Variants in PCDH15 observed in about 807,000 individuals in gnomAD.
PCDH15 encodes the protein protocadherin related 15.
Under a neutral mutation model 178.5 loss-of-function variants are expected in PCDH15, and 129 were observed. That is an observed-to-expected ratio of 0.72 (90% CI 0.63 to 0.84). PCDH15 has a LOEUF of 0.84. PCDH15 is among the 40% of genes least tolerant of loss of function. The pLI is 0.00. For synonymous variants in PCDH15, 800 were observed against 732.0 expected, an observed-to-expected ratio of 1.09 and a Z score of -1.50; for missense variants, 2,230 against 2,099.9, an observed-to-expected ratio of 1.06 and a Z score of -1.21.
chr10:55,177,139 G>T (rs1839512970), intron 1 of PCDH15, among the ~76,000 whole-genome samples: 1 of 152,088 alleles, frequency 6.6e-6, no homozygotes, highest in Non-Finnish European at 1.5e-5. Flanking sequence ...AGGGCATTAG[G>T]CAAAGAAAAG....
intron 36 of PCDH15, 26 bp from the exon 37 acceptor site, chr10:53,810,690 A>T (rs762923128): frequency 6.3e-7 from 1 of 1,577,854 alleles, no homozygotes; most frequent in Admixed American, 1.7e-5. Flanking sequence ...ACATCTTTAA[A>T]CAGTTTGTCA....
At chr10:54,176,905 C>A (rs758939055) in intron 13 of PCDH15, among the ~76,000 whole-genome samples, 1 of 151,856 alleles carries the variant, frequency 6.6e-6, no homozygotes, top group Non-Finnish European at 1.5e-5. Flanking sequence ...TATGATCCAG[C>A]AATCCCACTC....
chr10:55,404,580 G>A (rs1588993719), intron 2 of PCDH15, among the ~76,000 whole-genome samples: 3 of 151,710 alleles, frequency 2.0e-5, no homozygotes, highest in Admixed American at 6.6e-5. Flanking sequence ...GTTAGAACTC[G>A]AGCCCAAAAA....
At chr10:54,492,450 T>C (rs2079689154) in intron 3 of PCDH15, among the ~76,000 whole-genome samples, 1 of 152,178 alleles carries the variant, frequency 6.6e-6, no homozygotes. Flanking sequence ...TCTTTGGCTG[T>C]CCGTAATTTA....
chr10:54,863,831 G>A (rs1953890623), intron 3 of PCDH15, among the ~76,000 whole-genome samples: 1 of 152,168 alleles, frequency 6.6e-6, no homozygotes, highest in Admixed American at 6.6e-5. Flanking sequence ...GTTGTTTAGG[G>A]AGACTGGATT....
intron 2 of PCDH15, among the ~76,000 whole-genome samples, chr10:55,347,629 G>C (rs1232015162): frequency 1.3e-5 from 2 of 152,126 alleles, no homozygotes; most frequent in Non-Finnish European, 2.9e-5. Context: ...CATTGAGAAT[G>C]CTCCCAGGGT....
intron 1 of PCDH15, among the ~76,000 whole-genome samples, chr10:54,798,096 G>A (rs995906266): frequency 2.0e-5 from 3 of 151,642 alleles, no homozygotes; most frequent in Admixed American, 6.6e-5. Flanking sequence ...TTAAATAAAC[G>A]TTACAGTTTC....
intron 2 of PCDH15, among the ~76,000 whole-genome samples, chr10:55,371,827 C>T (rs996918962): frequency 1.3e-5 from 2 of 151,946 alleles, no homozygotes; most frequent in African/African-American, 4.8e-5. Context: ...ATGTAGTTTT[C>T]AATCCAAATA....
In PCDH15 at chr10:53,821,860, A is replaced by C. The variant is rs2132479377; in HGVS notation, c.4368-1630T>G. 6.2e-7 allele frequency: 1 copy of C among 1,612,856 alleles called. No homozygotes were observed. Among genetic ancestry groups the C allele is most frequent in the Non-Finnish European group, 8.5e-7 (1 of 1,179,684 alleles). On this transcript the variant is annotated intron_variant, in intron 32 of 37. Transcript: ENST00000644397. The stretch of plus-strand genomic sequence containing the variant: ...CGACTAAAATAAGAAAAGCAACATT[A>C]CAGTGAAGTAGATTGACTGTGAGAT...
At position 54,934,649 on chromosome 10, in the gene PCDH15, AC is replaced by A. The variant is rs1837859947; in HGVS notation, c.-79-37150del. ...GTTGGTGGGACTGTAAACTAGTTCA[AC>A]CATTGTGGAAGTCAGTGTGGCGATT... On this transcript the variant is annotated intron_variant, in intron 2 of 5. Transcript: ENST00000458638. 4.0e-5 allele frequency among the ~76,000 whole-genome samples: 6 copies of A among 151,278 alleles called. No individual in the cohort carries two copies. The South Asian group carries it at 1.3e-3, about 32-fold the overall frequency.
At chr10:54,355,458 G>T (rs949309817) in intron 5 of PCDH15, among the ~76,000 whole-genome samples, 3 of 151,796 alleles carry the variant, frequency 2.0e-5, no homozygotes, top group Non-Finnish European at 4.4e-5. Context: ...ACAGTGTCTT[G>T]TTTAAAAGTA....
At chr10:54,633,955 T>C (rs2093773802) in intron 2 of PCDH15, among the ~76,000 whole-genome samples, 1 of 152,128 alleles carries the variant, frequency 6.6e-6, no homozygotes, top group South Asian at 2.1e-4. Flanking sequence ...ACCCCATGCA[T>C]TAGCTGATAT....
chr10:55,529,183 C>A (rs942097430), intron 2 of PCDH15, among the ~76,000 whole-genome samples: 1 of 151,974 alleles, frequency 6.6e-6, no homozygotes, highest in African/African-American at 2.4e-5. Flanking sequence ...AGGTTTCCTG[C>A]TCACTCTGAT....
At chr10:54,090,956 T>C (rs1377588462) in intron 15 of PCDH15, among the ~76,000 whole-genome samples, 1 of 152,212 alleles carries the variant, frequency 6.6e-6, no homozygotes, top group African/African-American at 2.4e-5. Flanking sequence ...TGGTACATTG[T>C]AAGCTTTCAA....
At chr10:55,320,895 C>T (rs191740780), upstream of PCDH15, among the ~76,000 whole-genome samples, 425 of 152,308 alleles carry the variant, frequency 2.8e-3, no homozygotes, top group Non-Finnish European at 4.5e-3. Context: ...TTCCAAATGA[C>T]CACACTAGTT....
At chr10:54,252,317 C>T (rs1207422770) in intron 8 of PCDH15, among the ~76,000 whole-genome samples, 1 of 152,124 alleles carries the variant, frequency 6.6e-6, no homozygotes, top group East Asian at 1.9e-4. Flanking sequence ...CATTTCAATT[C>T]AGACCTACTC....
intron 20 of PCDH15, among the ~76,000 whole-genome samples, chr10:54,012,686 A>G (rs1012267306): frequency 6.6e-6 from 1 of 152,188 alleles, no homozygotes; most frequent in Non-Finnish European, 1.5e-5. Flanking sequence ...TTTCATGTCC[A>G]GTGAAACTGA....
At chr10:54,700,702 A>G (rs1292017712) in intron 1 of PCDH15, among the ~76,000 whole-genome samples, 1 of 152,148 alleles carries the variant, frequency 6.6e-6, no homozygotes, top group African/African-American at 2.4e-5. Context: ...TTTGAGAACT[A>G]TGGGATTATG....
Position 53,921,857 on chromosome 10 carries a change from C to G in PCDH15, c.3373+16958G>C, listed in dbSNP as rs577408417. ...CATGCCAAAAATAGTTTGGAATGAC[C>G]AATTTAGTTCATAGCAGAGAATGGA... On this transcript the variant is annotated intron_variant, in intron 25 of 37. Coordinates refer to ENST00000644397, the MANE Select transcript of PCDH15 (RefSeq NM_001384140.1). 2.6e-5 allele frequency among the ~76,000 whole-genome samples: 4 copies of G among 152,172 alleles called. No homozygotes were observed. The South Asian group carries it at 8.3e-4, about 32-fold the overall frequency.
Sources: gnomAD v4.1 joint callset for allele counts (sites outside exome capture counted in the v4.1 genomes callset) on GRCh38, gnomAD v4.1.1 for gene constraint, MANE v1.5 for transcripts, NCBI Gene and HGNC (gene_info 2026-07-23, HGNC 2026-07-21) for gene names.